Variants in KIAA1217 observed in about 807,000 individuals in gnomAD.
KIAA1217 encodes KIAA1217.
Under a neutral mutation model 163.9 loss-of-function variants are expected in KIAA1217, and 88 were observed. The ratio of observed to expected loss-of-function variants is 0.54; its 90% CI spans 0.45 to 0.64. KIAA1217 has a LOEUF of 0.64. Among genes scored for constraint, KIAA1217 ranks in the 30% least tolerant of loss-of-function variants. The probability of loss-of-function intolerance (pLI) is 0.00; values close to 1 mark genes in which losing one functional copy is unlikely to be tolerated. For synonymous variants in KIAA1217, 903 were observed against 923.1 expected (o/e 0.98, Z 0.39); for missense variants, 2,372 against 2,475.0 (o/e 0.96, Z 0.88).
In KIAA1217 at chr10:23,959,911, C is replaced by CTTT. The variant is rs1326171008; in HGVS notation, c.-320-47294_-320-47292dup. On this transcript the variant is annotated intron_variant, in intron 1 of 18. Transcript: ENST00000376462. Reference sequence around the variant, plus strand: ...CTTCAGAGAGGAAGGTCATAGACTTCTTTTTTTTTTTTTTTTTTTTTTGAG... The same window carrying CTTT: ...CTTCAGAGAGGAAGGTCATAGACTTCTTTTTTTTTTTTTTTTTTTTTTTTTGAG... Among the ~76,000 whole-genome samples the CTTT allele has an allele frequency of 5.9e-3, 622 of 105,912 alleles. 1 individual carries two copies. Among genetic ancestry groups the CTTT allele is most frequent in the Non-Finnish European group, 6.8e-3 (358 of 52,284 alleles). The allele number at this position is 105,912 out of a possible 152,430, so 69.5% of individuals were successfully genotyped here. A position where few individuals can be genotyped will look rare whatever the true frequency, so the allele number is the denominator to read the frequency against.
intron 1 of KIAA1217, among the ~76,000 whole-genome samples, chr10:23,915,105 A>G (rs1354902089): frequency 6.6e-6 from 1 of 152,120 alleles, no homozygotes; most frequent in Non-Finnish European, 1.5e-5. Context: ...AGAAAGGAGG[A>G]AAGGAAGGAA....
chr10:24,258,036 C>T (rs980115295), intron 2 of KIAA1217, among the ~76,000 whole-genome samples: 1 of 152,092 alleles, frequency 6.6e-6, no homozygotes, highest in African/African-American at 2.4e-5. Context: ...AACTCTTTAG[C>T]CAGGGATAGT....
At chr10:23,772,657 T>G (rs939792632) in intron 1 of KIAA1217, among the ~76,000 whole-genome samples, 3 of 152,148 alleles carry the variant, frequency 2.0e-5, no homozygotes, top group African/African-American at 7.2e-5. Flanking sequence ...GCTGTTCATT[T>G]AGGAATGAAC....
chr10:23,940,387 G>C (rs550771544), intron 1 of KIAA1217, among the ~76,000 whole-genome samples: 47 of 148,728 alleles, frequency 3.2e-4, no homozygotes, highest in Middle Eastern at 3.6e-3. Flanking sequence ...TTGAACCTGG[G>C]AGGCGGAGTT....
At chr10:24,484,241 A>ATATATATATATATTTTTTTT (rs1376083298) in intron 6 of KIAA1217, among the ~76,000 whole-genome samples, 2 of 75,142 alleles carry the variant, frequency 2.7e-5, no homozygotes, top group East Asian at 4.5e-4. Context: ...ATATATATAT[A>ATATATATATATATTTTTTTT]TTTTTTTTTT....
intron 1 of KIAA1217, among the ~76,000 whole-genome samples, chr10:23,946,133 C>G (rs1252391825): frequency 6.6e-6 from 1 of 151,982 alleles, no homozygotes; most frequent in African/African-American, 2.4e-5. Flanking sequence ...TTATAAACCA[C>G]AAAGAATGCA....
rs1252918092 is a variant in KIAA1217 at position 23,853,981 on chromosome 10, AT to A, written c.-320-153238del. ...AAAAAACCAGCTCCTGGATTCATTAATTTTTTGAAGGATTTTTGTGTCTCTA... is the reference window on the plus strand; with the variant it reads ...AAAAAACCAGCTCCTGGATTCATTAATTTTTGAAGGATTTTTGTGTCTCTA... On this transcript the variant is annotated intron_variant, in intron 1 of 18. Coordinates refer to the KIAA1217 transcript ENST00000376462. Among the ~76,000 whole-genome samples the A allele has an allele frequency of 2.0e-5, 3 of 151,980 alleles. No homozygotes were observed. In the East Asian group the frequency reaches 5.8e-4, roughly 29 times the overall value.
chr10:23,735,832 T>A (rs1053345825), intron 1 of KIAA1217, among the ~76,000 whole-genome samples: 2 of 152,316 alleles, frequency 1.3e-5, no homozygotes, highest in East Asian at 3.9e-4. Context: ...GTATAATTAA[T>A]CATATTTTGA....
intron 1 of KIAA1217, among the ~76,000 whole-genome samples, chr10:24,003,925 G>A (rs1402619816): frequency 1.4e-4 from 22 of 152,066 alleles, no homozygotes; most frequent in Admixed American, 1.3e-3. Context: ...AAAGTCTTAC[G>A]AACTGGGTAG....
At chr10:23,954,946 A>G (rs1457429148) in intron 1 of KIAA1217, among the ~76,000 whole-genome samples, 1 of 152,198 alleles carries the variant, frequency 6.6e-6, no homozygotes, top group Non-Finnish European at 1.5e-5. Context: ...TGGCTTTGCT[A>G]CTGATTAACA....
chr10:24,329,700 A>G (rs1450692756), intron 2 of KIAA1217, among the ~76,000 whole-genome samples: 2 of 152,216 alleles, frequency 1.3e-5, no homozygotes, highest in Non-Finnish European at 2.9e-5. Context: ...ATGATCGTGT[A>G]ATGTACTTAG....
intron 2 of KIAA1217, among the ~76,000 whole-genome samples, chr10:24,165,544 T>A (rs1474149001): frequency 6.6e-6 from 1 of 152,062 alleles, no homozygotes; most frequent in Non-Finnish European, 1.5e-5. Flanking sequence ...AGCAGAACAT[T>A]TTCTGTACCC....
intron 2 of KIAA1217, among the ~76,000 whole-genome samples, chr10:24,348,798 G>A (rs2048108209): frequency 6.6e-6 from 1 of 152,124 alleles, no homozygotes; most frequent in African/African-American, 2.4e-5. Context: ...CCCTAGCAAA[G>A]AGTAGATAGC....
At chr10:24,160,611 T>A (rs982628050) in intron 2 of KIAA1217, among the ~76,000 whole-genome samples, 1 of 152,154 alleles carries the variant, frequency 6.6e-6, no homozygotes, top group Non-Finnish European at 1.5e-5. Context: ...GGCTCCTATC[T>A]CTCTAAAGAA....
At chr10:24,376,200 C>A (rs2052465772) in intron 2 of KIAA1217, among the ~76,000 whole-genome samples, 1 of 152,230 alleles carries the variant, frequency 6.6e-6, no homozygotes, top group Admixed American at 6.5e-5. Context: ...CTTAGCACTA[C>A]CTAGCTACAT....
intron 1 of KIAA1217, among the ~76,000 whole-genome samples, chr10:23,704,172 G>GTGTGTGTGTGTATATATATATATATA: frequency 2.5e-5 from 1 of 39,946 alleles, no homozygotes; most frequent in East Asian, 7.5e-4. Flanking sequence ...GTGTGTGTGT[G>GTGTGTGTGTGTATATATATATATATA]TATATATATA....
In KIAA1217 at chr10:24,043,782, C is replaced by T. The variant is rs149828519; in HGVS notation, c.-171+36408C>T. ...TATATCCTTTTTTAAACAAACAATC[C>T]GAGGCTCGGTGCTTATTCCAAAGAT... On this transcript the variant is annotated intron_variant, in intron 2 of 18. Transcript: ENST00000376462. 1.3e-3 allele frequency among the ~76,000 whole-genome samples: 193 copies of T among 152,136 alleles called. 1 individual carries two copies. The highest frequency in any genetic ancestry group is 2.4e-3 in the Non-Finnish European group (161 of 67,960).
chr10:23,813,688 T>C (rs74672351), intron 1 of KIAA1217, among the ~76,000 whole-genome samples: 11,671 of 152,214 alleles, frequency 0.077, 1,436 homozygotes, highest in African/African-American at 0.26. Flanking sequence ...CTAAAACACA[T>C]GTGTAAATAC....
intron 1 of KIAA1217, among the ~76,000 whole-genome samples, chr10:24,219,286 A>AT (rs2069256021): frequency 6.6e-6 from 1 of 151,780 alleles, no homozygotes; most frequent in Non-Finnish European, 1.5e-5. Flanking sequence ...GCTAATTTTA[A>AT]TTTTTTGTAG....
Sources: allele counts gnomAD v4.1 joint callset (sites outside exome capture counted in the v4.1 genomes callset), GRCh38; gene constraint gnomAD v4.1.1; transcripts MANE v1.5; gene names NCBI Gene and HGNC (gene_info 2026-07-23, HGNC 2026-07-21).